The following SLC36A1 variants were observed in gnomAD, a reference collection of about 807,000 sequenced individuals.
SLC36A1 encodes proton-coupled amino acid transporter 1.
SLC36A1 carries 30 observed loss-of-function variants against 47.5 expected under a neutral mutation model. That is an observed-to-expected ratio of 0.63 (90% CI 0.47 to 0.86). The LOEUF (loss-of-function observed/expected upper bound fraction) is 0.86. SLC36A1 is among the 40% of genes least tolerant of loss of function. SLC36A1 has a pLI of 0.00. For missense variants in SLC36A1, 517 were observed against 606.0 expected (o/e 0.85, Z 1.54); for synonymous variants, 255 against 249.7 (o/e 1.02, Z -0.20).
At chr5:151,399,721 C>T in the SLC36A1 span, among the ~76,000 whole-genome samples, 2 of 152,190 alleles carry the variant, frequency 1.3e-5, no homozygotes, top group Non-Finnish European at 2.9e-5. Context: ...TCAGTTCTCT[C>T]ATTTTACAGA....
At chr5:151,510,113 G>A in the SLC36A1 span, 8 of 1,614,202 alleles carry the variant, frequency 5.0e-6, no homozygotes, top group Non-Finnish European at 3.4e-6. Flanking sequence ...CAAAAGTACA[G>A]TTCTCCCTTC....
the SLC36A1 span, chr5:151,531,621 G>A: frequency 7.4e-6 from 12 of 1,613,194 alleles, no homozygotes; most frequent in Admixed American, 1.7e-5. This position sits in a 1 kb window ranked among gnomAD's most constrained non-coding sequence, Gnocchi z 5.7. Context: ...TGCCTTGCTC[G>A]TTCCCGCTGA....
At chr5:151,344,904 G>A in the SLC36A1 span, among the ~76,000 whole-genome samples, 1 of 152,092 alleles carries the variant, frequency 6.6e-6, no homozygotes, top group Non-Finnish European at 1.5e-5. Context: ...TAAACAGGTC[G>A]GATGACTGGG....
At chr5:151,387,911 A>G in the SLC36A1 span, among the ~76,000 whole-genome samples, 3 of 152,232 alleles carry the variant, frequency 2.0e-5, no homozygotes, top group Admixed American at 6.5e-5. Context: ...ATTTAACCTT[A>G]TATAATGTGG....
At chr5:151,528,249 G>A in the SLC36A1 span, 1 of 1,249,466 alleles carries the variant, frequency 8.0e-7, no homozygotes, top group Non-Finnish European at 1.1e-6. Flanking sequence ...GCAGTGCCTG[G>A]ATCACAGTTG....
the SLC36A1 span, among the ~76,000 whole-genome samples, chr5:151,520,011 C>A: frequency 6.6e-6 from 1 of 152,212 alleles, no homozygotes; most frequent in Non-Finnish European, 1.5e-5. Flanking sequence ...CTGAGAGAGA[C>A]CCTTCAGCCT....
At chr5:151,510,301 G>A in the SLC36A1 span, 2 of 1,126,028 alleles carry the variant, frequency 1.8e-6, no homozygotes, top group South Asian at 2.9e-5. Context: ...GCTCCCCTCT[G>A]TGCCCAATAC....
the SLC36A1 span, among the ~76,000 whole-genome samples, chr5:151,500,134 G>A: frequency 0.011 from 1,732 of 152,148 alleles, 24 homozygotes; most frequent in African/African-American, 0.04. Context: ...CTGTTCCGTT[G>A]CACTTGCTGC....
At chr5:151,363,059 GTTTTT>G in the SLC36A1 span, among the ~76,000 whole-genome samples, 21,239 of 152,058 alleles carry the variant, frequency 0.14, 1,889 homozygotes, top group East Asian at 0.38. Context: ...CTTTGTTTTA[GTTTTT>G]ATTTGTTATG....
the SLC36A1 span, among the ~76,000 whole-genome samples, chr5:151,428,852 C>T: frequency 1.4e-4 from 21 of 152,280 alleles, no homozygotes; most frequent in Middle Eastern, 6.8e-3. Context: ...AGGCTGGTCT[C>T]GAACTCCTGA....
chr5:151,485,010 G>A (rs887596799), intron 10 of SLC36A1, among the ~76,000 whole-genome samples: 1 of 152,072 alleles, frequency 6.6e-6, no homozygotes, highest in South Asian at 2.1e-4. Context: ...TCTTGGTGTC[G>A]GTACCACAGC....
chr5:151,457,366 C>T (rs1161878561), intron 1 of SLC36A1, among the ~76,000 whole-genome samples: 1 of 152,030 alleles, frequency 6.6e-6, no homozygotes, highest in Admixed American at 6.6e-5. Flanking sequence ...GGGCCTACAT[C>T]GCTCCCAAAA....
the SLC36A1 span, chr5:151,545,743 T>A: frequency 6.2e-7 from 1 of 1,614,066 alleles, no homozygotes; most frequent in Non-Finnish European, 8.5e-7. Context: ...GGAATTAGCT[T>A]CTTTGTCACT....
chr5:151,456,570 C>T (rs1234522946), intron 1 of SLC36A1, among the ~76,000 whole-genome samples: 1 of 152,086 alleles, frequency 6.6e-6, no homozygotes, highest in Admixed American at 6.6e-5. Flanking sequence ...TCTCCCGGCC[C>T]TCTAGTGAGT....
At chr5:151,531,824 G>A in the SLC36A1 span, 1 of 1,613,866 alleles carries the variant, frequency 6.2e-7, no homozygotes, top group South Asian at 1.1e-5. This position sits in a 1 kb window ranked among gnomAD's most constrained non-coding sequence, Gnocchi z 5.7. Flanking sequence ...GGGGTGCCCA[G>A]GTCAGAGGCA....
chr5:151,432,336 G>A (rs977447064), upstream of SLC36A1, among the ~76,000 whole-genome samples: 2 of 152,112 alleles, frequency 1.3e-5, no homozygotes, highest in African/African-American at 4.8e-5. Flanking sequence ...AGCTTTCCCC[G>A]AGAACAAGGA....
chr5:151,512,038 A>C, the SLC36A1 span: 1 of 813,818 alleles, frequency 1.2e-6, no homozygotes, highest in Non-Finnish European at 1.9e-6. This position sits in a 1 kb window ranked among gnomAD's most constrained non-coding sequence, Gnocchi z 4.1. Flanking sequence ...CCTGTTACTC[A>C]CAAGTTAGGG....
the SLC36A1 span, chr5:151,545,066 A>G: frequency 6.2e-7 from 1 of 1,614,184 alleles, no homozygotes; most frequent in African/African-American, 1.3e-5. Context: ...CTTGTCTGCA[A>G]CACACCTGCT....
chr5:151,361,178 C>CT, the SLC36A1 span, among the ~76,000 whole-genome samples: 1 of 152,204 alleles, frequency 6.6e-6, no homozygotes, highest in African/African-American at 2.4e-5. Context: ...TCAGCACTCT[C>CT]TTCCATAGCA....
Sources: allele counts gnomAD v4.1 joint callset (sites outside exome capture counted in the v4.1 genomes callset), GRCh38; gene constraint gnomAD v4.1.1; non-coding constraint Gnocchi (gnomAD v3.1); transcripts MANE v1.5; gene names NCBI Gene and HGNC (gene_info 2026-07-23, HGNC 2026-07-21).